The following XKR6 variants were observed in gnomAD, a reference collection of about 807,000 sequenced individuals.
XKR6 encodes XK-related protein 6.
Under a neutral mutation model 56.7 loss-of-function variants are expected in XKR6, and 22 were observed. The ratio of observed to expected loss-of-function variants is 0.39; its 90% CI spans 0.28 to 0.55. The LOEUF (loss-of-function observed/expected upper bound fraction) is 0.55. Ranked by LOEUF, XKR6 falls within the 20% of genes least tolerant of loss-of-function variation. XKR6 has a pLI of 0.66. For synonymous variants in XKR6, 524 were observed against 387.8 expected, an observed-to-expected ratio of 1.35 and a Z score of -4.13; for missense variants, 852 against 889.0, an observed-to-expected ratio of 0.96 and a Z score of 0.53.
intron 1 of XKR6, among the ~76,000 whole-genome samples, chr8:10,992,386 T>C (rs558087904): frequency 6.6e-6 from 1 of 152,290 alleles, no homozygotes; most frequent in East Asian, 1.9e-4. Context: ...CCCATCCCTC[T>C]GACTGTGCCA....
At chr8:11,035,112 AC>A in intron 1 of XKR6, 1 of 477,092 alleles carries the variant, frequency 2.1e-6, no homozygotes, top group Non-Finnish European at 4.4e-6. Context: ...GATGATACTT[AC>A]CTTAAAGGGC....
chr8:11,091,871 C>T (rs116018093), intron 1 of XKR6, among the ~76,000 whole-genome samples: 5,221 of 152,264 alleles, frequency 0.034, 108 homozygotes, highest in African/African-American at 0.052. Flanking sequence ...TTATCTGACA[C>T]CCAGCACAAT....
At chr8:11,090,843 T>C (rs778846375) in intron 1 of XKR6, among the ~76,000 whole-genome samples, 2 of 152,224 alleles carry the variant, frequency 1.3e-5, no homozygotes, top group Non-Finnish European at 2.9e-5. Flanking sequence ...TCTTTTAAGA[T>C]TGTTTTTGGT....
intron 1 of XKR6, among the ~76,000 whole-genome samples, chr8:10,948,637 T>C (rs1170127906): frequency 6.6e-6 from 1 of 152,142 alleles, no homozygotes; most frequent in Admixed American, 6.5e-5. Flanking sequence ...TGTCCCGTCC[T>C]CTAGCACCTC....
At chr8:10,991,802 A>AT (rs1797999124) in intron 1 of XKR6, among the ~76,000 whole-genome samples, 1 of 152,046 alleles carries the variant, frequency 6.6e-6, no homozygotes, top group South Asian at 2.1e-4. Flanking sequence ...GTAAAACAGC[A>AT]TTTTTCTTTT....
intron 1 of XKR6, among the ~76,000 whole-genome samples, chr8:11,003,828 G>A (rs971866641): frequency 2.0e-5 from 3 of 152,202 alleles, no homozygotes; most frequent in Non-Finnish European, 2.9e-5. Flanking sequence ...AGAAGGGTGT[G>A]GTTAATTCTG....
chr8:10,995,042 C>G (rs886664304), intron 1 of XKR6, among the ~76,000 whole-genome samples: 2 of 152,188 alleles, frequency 1.3e-5, no homozygotes, highest in African/African-American at 4.8e-5. Flanking sequence ...CTTGTACGAA[C>G]AGCATTGTCT....
At chr8:11,172,902 G>A (rs1182248362) in intron 1 of XKR6, among the ~76,000 whole-genome samples, 3 of 152,102 alleles carry the variant, frequency 2.0e-5, no homozygotes, top group Non-Finnish European at 2.9e-5. Flanking sequence ...ATTCTTGCAG[G>A]CAGGCTGGCA....
At chr8:11,112,058 G>A (rs985316440) in intron 1 of XKR6, among the ~76,000 whole-genome samples, 1 of 152,084 alleles carries the variant, frequency 6.6e-6, no homozygotes, top group Non-Finnish European at 1.5e-5. Context: ...TTAAAAACAA[G>A]GCAGTTTTCA....
intron 1 of XKR6, among the ~76,000 whole-genome samples, chr8:11,144,223 A>AGTGTGTGTGTGTGTGT (rs35351104): frequency 0.013 from 1,767 of 136,456 alleles, 25 homozygotes; most frequent in East Asian, 0.023. Context: ...TTAAATAAAA[A>AGTGTGTGTGTGTGTGT]GTGTGTGTGT....
At chr8:10,995,283 A>G (rs1458422573) in intron 1 of XKR6, among the ~76,000 whole-genome samples, 2 of 151,552 alleles carry the variant, frequency 1.3e-5, no homozygotes, top group Non-Finnish European at 2.9e-5. Flanking sequence ...AGGAGACTGA[A>G]GCAGGTGGAT....
At chr8:11,119,387 C>A (rs1387836249) in intron 1 of XKR6, among the ~76,000 whole-genome samples, 1 of 152,160 alleles carries the variant, frequency 6.6e-6, no homozygotes, top group African/African-American at 2.4e-5. Flanking sequence ...TCTCGTTGAT[C>A]TGTCTAATGT....
rs949022922 is a variant in XKR6 at position 10,897,071 on chromosome 8, T to C, written c.*881A>G. 2.6e-5 allele frequency: 4 copies of C among 152,652 alleles called. No homozygotes were observed. Among genetic ancestry groups the C allele is most frequent in the Non-Finnish European group, 4.4e-5 (3 of 68,044 alleles). 9.5% of individuals were successfully genotyped at this position (152,652 alleles called of 1,614,324 possible). ...CCTTACCGAATTATTGCGGTGGCTTTTTGTTTTGTTCTGGTTTGCTTTTCA... is the reference window on the plus strand; with the variant it reads ...CCTTACCGAATTATTGCGGTGGCTTCTTGTTTTGTTCTGGTTTGCTTTTCA... On this transcript the variant is annotated 3_prime_UTR_variant, in exon 3 of 3. Coordinates refer to ENST00000416569, the MANE Select transcript of XKR6 (RefSeq NM_173683.4).
intron 1 of XKR6, among the ~76,000 whole-genome samples, chr8:11,098,869 G>A (rs1231868344): frequency 1.3e-5 from 2 of 152,058 alleles, no homozygotes; most frequent in African/African-American, 4.8e-5. Flanking sequence ...GTTTTAAATA[G>A]ACTTTGCATC....
intron 1 of XKR6, among the ~76,000 whole-genome samples, chr8:11,132,362 T>C (rs1024255565): frequency 6.6e-6 from 1 of 151,952 alleles, no homozygotes; most frequent in African/African-American, 2.4e-5. Context: ...TTTTTCTTTT[T>C]CTTTTTTTTT....
intron 1 of XKR6, among the ~76,000 whole-genome samples, chr8:11,007,378 C>T (rs1433228664): frequency 2.6e-5 from 4 of 152,198 alleles, no homozygotes; most frequent in Non-Finnish European, 5.9e-5. Context: ...AGACTAGGGG[C>T]TAATGTGCAA....
intron 1 of XKR6, among the ~76,000 whole-genome samples, chr8:11,150,448 G>A (rs769394134): frequency 1.1e-4 from 17 of 152,204 alleles, no homozygotes; most frequent in Non-Finnish European, 2.4e-4. Context: ...ATTTGATTAC[G>A]TAAAGTCCCC....
At chr8:11,174,546 A>G (rs1397452049) in intron 1 of XKR6, among the ~76,000 whole-genome samples, 2 of 152,238 alleles carry the variant, frequency 1.3e-5, no homozygotes, top group African/African-American at 4.8e-5. Context: ...ACAGATTTTT[A>G]AAAGAAAATG....
At chr8:11,160,332 C>T (rs956410377) in intron 1 of XKR6, among the ~76,000 whole-genome samples, 16 of 151,114 alleles carry the variant, frequency 1.1e-4, no homozygotes, top group African/African-American at 3.9e-4. Flanking sequence ...TAAGATGCAG[C>T]ATATACAGAT....
Sources: allele counts gnomAD v4.1 joint callset (sites outside exome capture counted in the v4.1 genomes callset), GRCh38; gene constraint gnomAD v4.1.1; transcripts MANE v1.5; gene names NCBI Gene and HGNC (gene_info 2026-07-23, HGNC 2026-07-21).